Variants in MACROD2 observed in about 807,000 individuals in gnomAD.
MACROD2 encodes the protein ADP-ribose glycohydrolase MACROD2.
A neutral mutation model predicts 70.4 loss-of-function variants in MACROD2; 36 were observed. The ratio of observed to expected loss-of-function variants is 0.51; its 90% CI spans 0.39 to 0.68. The LOEUF is 0.68. MACROD2 is among the 30% of genes least tolerant of loss of function. MACROD2 has a pLI of 0.00. For missense variants in MACROD2, 496 were observed against 538.4 expected (o/e 0.92, Z 0.78); for synonymous variants, 172 against 178.8 (o/e 0.96, Z 0.30).
At chr20:15,640,582 A>ATAG (rs1156718414) in intron 8 of MACROD2, among the ~76,000 whole-genome samples, 3 of 152,208 alleles carry the variant, frequency 2.0e-5, no homozygotes, top group Non-Finnish European at 4.4e-5. Flanking sequence ...TGCAGAGAAC[A>ATAG]TAGTCATGTG....
At chr20:14,352,324 C>T (rs1377155687) in intron 3 of MACROD2, 4 of 152,096 alleles carry the variant, frequency 2.6e-5, no homozygotes, top group Admixed American at 1.3e-4. Flanking sequence ...ATACTCGTCT[C>T]GCTTCGGCAG....
chr20:15,720,389 T>A (rs1052580263), intron 8 of MACROD2, among the ~76,000 whole-genome samples: 1 of 152,218 alleles, frequency 6.6e-6, no homozygotes, highest in Non-Finnish European at 1.5e-5. Context: ...TTTCCCATAA[T>A]GGCTATATAC....
intron 5 of MACROD2, among the ~76,000 whole-genome samples, chr20:15,088,446 T>A (rs2075768837): frequency 1.1e-5 from 1 of 95,040 alleles, no homozygotes; most frequent in South Asian, 3.0e-4. Flanking sequence ...TATATATATA[T>A]ATATAATATT....
intron 8 of MACROD2, among the ~76,000 whole-genome samples, chr20:15,553,817 T>C (rs2048129881): frequency 6.6e-6 from 1 of 152,192 alleles, no homozygotes; most frequent in Admixed American, 6.5e-5. Context: ...AAAAGATCAA[T>C]GTCCTACAGA....
intron 8 of MACROD2, among the ~76,000 whole-genome samples, chr20:15,681,712 A>G (rs2050162379): frequency 6.6e-6 from 1 of 152,130 alleles, no homozygotes; most frequent in African/African-American, 2.4e-5. Context: ...CCATTCAATT[A>G]CATTTTTTGT....
chr20:15,575,027 A>G (rs144657078), intron 8 of MACROD2, among the ~76,000 whole-genome samples: 1 of 152,252 alleles, frequency 6.6e-6, no homozygotes, highest in African/African-American at 2.4e-5. Flanking sequence ...GCCTCCATAG[A>G]TATAAGCTCA....
intron 5 of MACROD2, among the ~76,000 whole-genome samples, chr20:14,955,741 C>A (rs915122934): frequency 3.9e-5 from 6 of 152,022 alleles, no homozygotes; most frequent in African/African-American, 1.5e-4. Flanking sequence ...ATTATGATTT[C>A]TTTTAAATTT....
intron 5 of MACROD2, among the ~76,000 whole-genome samples, chr20:15,206,736 T>TGTTTG (rs1555792510): frequency 1.3e-5 from 1 of 79,146 alleles, no homozygotes; most frequent in Non-Finnish European, 2.5e-5. Flanking sequence ...TTTTTTTTTT[T>TGTTTG]TTTTTTTTTT....
chr20:14,927,791 T>C (rs968471890), intron 5 of MACROD2, among the ~76,000 whole-genome samples: 1 of 152,218 alleles, frequency 6.6e-6, no homozygotes, highest in African/African-American at 2.4e-5. Context: ...TGGTCCATGT[T>C]GGAATGTCAC....
At chr20:14,982,962 C>T (rs942180203) in intron 5 of MACROD2, among the ~76,000 whole-genome samples, 1 of 152,182 alleles carries the variant, frequency 6.6e-6, no homozygotes, top group Non-Finnish European at 1.5e-5. Context: ...TCAATGCCAG[C>T]CTGTGAAGGC....
chr20:14,327,573 G>A, intron 3 of MACROD2: 1 of 1,485,750 alleles, frequency 6.7e-7, no homozygotes, highest in Non-Finnish European at 9.0e-7. Context: ...AATGAAGTGA[G>A]TAAAAAAAGA....
At chr20:15,361,189 T>C (rs1235239714) in intron 6 of MACROD2, among the ~76,000 whole-genome samples, 1 of 152,218 alleles carries the variant, frequency 6.6e-6, no homozygotes, top group Non-Finnish European at 1.5e-5. Context: ...TTCATAGTTT[T>C]ATATTTTATA....
At chr20:14,771,761 CACAT>C (rs1439957187) in intron 5 of MACROD2, among the ~76,000 whole-genome samples, 2 of 151,068 alleles carry the variant, frequency 1.3e-5, no homozygotes, top group African/African-American at 4.9e-5. Context: ...CACACACACA[CACAT>C]ACACATATGG....
At chr20:14,755,344 T>C (rs2071925852) in intron 5 of MACROD2, among the ~76,000 whole-genome samples, 1 of 152,084 alleles carries the variant, frequency 6.6e-6, no homozygotes, top group Non-Finnish European at 1.5e-5. Flanking sequence ...GCATTTCGGA[T>C]GAGGTTACCA....
chr20:15,948,368 A>AAATCTTG (rs1225916650), intron 12 of MACROD2, among the ~76,000 whole-genome samples: 20 of 134,294 alleles, frequency 1.5e-4, no homozygotes, highest in African/African-American at 5.7e-4. Context: ...TCACTCTATT[A>AAATCTTG]AATCTTGCAA....
At chr20:14,093,551 T>C (rs562326043) in intron 3 of MACROD2, among the ~76,000 whole-genome samples, 1 of 152,206 alleles carries the variant, frequency 6.6e-6, no homozygotes, top group Non-Finnish European at 1.5e-5. Flanking sequence ...CACTTTAAAA[T>C]CAGTTACCTC....
intron 5 of MACROD2, among the ~76,000 whole-genome samples, chr20:15,208,521 TA>T (rs2076731399): frequency 6.6e-6 from 1 of 152,208 alleles, no homozygotes. Flanking sequence ...TGGATCTTTT[TA>T]AAATCTTGAC....
intron 8 of MACROD2, among the ~76,000 whole-genome samples, chr20:15,854,109 A>G (rs981285232): frequency 1.3e-5 from 2 of 152,128 alleles, no homozygotes; most frequent in East Asian, 3.9e-4. Flanking sequence ...ACCTTCAAAT[A>G]TGATGGGGTA....
intron 12 of MACROD2, among the ~76,000 whole-genome samples, chr20:15,950,531 T>C (rs2065889501): frequency 6.6e-6 from 1 of 152,050 alleles, no homozygotes; most frequent in African/African-American, 2.4e-5. Flanking sequence ...AAACAAAAAC[T>C]AAACAAAGAG....
Sources: gnomAD v4.1 joint callset for allele counts (sites outside exome capture counted in the v4.1 genomes callset) on GRCh38, gnomAD v4.1.1 for gene constraint, MANE v1.5 for transcripts, NCBI Gene and HGNC (gene_info 2026-07-23, HGNC 2026-07-21) for gene names.